Variants in ACO2 observed in about 807,000 individuals in gnomAD.
ACO2 encodes aconitase 2.
In ACO2, 31 loss-of-function variants were observed where a neutral mutation model predicts 84.5. The ratio of observed to expected loss-of-function variants is 0.37; its 90% CI spans 0.28 to 0.50. ACO2 has a LOEUF of 0.50. ACO2 is among the 20% of genes least tolerant of loss of function. ACO2 has a pLI of 0.97. For missense variants in ACO2, 685 were observed against 1,029.3 expected (o/e 0.67, Z 4.58); for synonymous variants, 414 against 412.7 (o/e 1.00, Z -0.04).
At chr22:41,492,371 T>C (rs1226672716) in intron 1 of ACO2, among the ~76,000 whole-genome samples, 2 of 152,232 alleles carry the variant, frequency 1.3e-5, no homozygotes, top group African/African-American at 4.8e-5. Context: ...GCGTAGTGGC[T>C]CATGCCTGTA....
intron 1 of ACO2, among the ~76,000 whole-genome samples, chr22:41,494,778 G>A (rs2066301245): frequency 6.6e-6 from 1 of 151,572 alleles, no homozygotes. Context: ...CTGTCACCCA[G>A]GCTGGAGTGC....
At chr22:41,524,700 C>T in intron 12 of ACO2, 146 bp from the exon 13 acceptor site, 1 of 1,302,934 alleles carries the variant, frequency 7.7e-7, no homozygotes, top group South Asian at 1.4e-5. Context: ...CGTCCTGCAG[C>T]TCTGGCCTCT....
chr22:41,485,590 A>G (rs12170066), intron 1 of ACO2, among the ~76,000 whole-genome samples: 9,371 of 151,528 alleles, frequency 0.062, 926 homozygotes, highest in African/African-American at 0.21. Context: ...ACAGGCGCCC[A>G]CCACCACGCC....
At chr22:41,476,918 G>T (rs975937174) in intron 1 of ACO2, among the ~76,000 whole-genome samples, 6 of 151,640 alleles carry the variant, frequency 4.0e-5, no homozygotes, top group Non-Finnish European at 7.4e-5. Context: ...GGAGGCCGAG[G>T]TGGGTGGATC....
chr22:41,477,836 A>G (rs1042551170), intron 1 of ACO2, among the ~76,000 whole-genome samples: 7 of 151,868 alleles, frequency 4.6e-5, no homozygotes, highest in South Asian at 2.1e-4. Context: ...GGAGGCCGAG[A>G]TGGGTGGATC....
At chr22:41,477,329 A>G (rs976299242) in intron 1 of ACO2, among the ~76,000 whole-genome samples, 5 of 140,154 alleles carry the variant, frequency 3.6e-5, no homozygotes, top group South Asian at 4.6e-4. Context: ...AATTTTTTGT[A>G]TTTTTTTTTT....
chr22:41,476,408 A>T (rs926061611), intron 1 of ACO2, among the ~76,000 whole-genome samples: 9 of 115,412 alleles, frequency 7.8e-5, no homozygotes, highest in African/African-American at 1.8e-4. Flanking sequence ...ACTCTGTCTT[A>T]AAAAAAAAAA....
At chr22:41,503,772 A>G (rs774278678) in intron 2 of ACO2, among the ~76,000 whole-genome samples, 4 of 152,174 alleles carry the variant, frequency 2.6e-5, no homozygotes, top group African/African-American at 4.8e-5. Context: ...CTGTTACCCA[A>G]TGGGTAACCA....
At chr22:41,513,060 C>G (rs571798466) in intron 4 of ACO2, among the ~76,000 whole-genome samples, 13 of 152,312 alleles carry the variant, frequency 8.5e-5, no homozygotes, top group African/African-American at 2.9e-4. Flanking sequence ...CTGCCCTGCC[C>G]AACCATCACT....
chr22:41,483,411 C>T (rs2038112701), intron 1 of ACO2, among the ~76,000 whole-genome samples: 1 of 152,124 alleles, frequency 6.6e-6, no homozygotes, highest in Non-Finnish European at 1.5e-5. Flanking sequence ...AATCCCAGCA[C>T]TTTGGGAGGC....
Position 41,507,902 on chromosome 22 carries a change from T to TA in ACO2, c.285_286insA (p.Val96SerfsTer32). The TA allele has an allele frequency of 6.2e-7, 1 of 1,614,220 alleles. No homozygotes were observed. Among genetic ancestry groups the TA allele is most frequent in the Non-Finnish European group, 8.5e-7 (1 of 1,180,048 alleles). On this transcript the variant is annotated frameshift_variant, in exon 3 of 18. Transcript: ENST00000216254. LOFTEE classifies it high-confidence loss of function. ...CGTACCTGCGGCTGCGGCCGGACCGTGTGGCCATGCAGGATGCGACGGCCC... is the reference window on the plus strand; with the variant it reads ...CGTACCTGCGGCTGCGGCCGGACCGTAGTGGCCATGCAGGATGCGACGGCCC...
intron 11 of ACO2, 111 bp downstream of exon 11, chr22:41,523,389 T>G: frequency 1.2e-6 from 1 of 816,810 alleles, no homozygotes; most frequent in Non-Finnish European, 1.9e-6. Context: ...CCAAGGTCTC[T>G]AGCTCCAGGG....
Position 41,508,052 on chromosome 22 carries a change from G to T in ACO2, c.432+3G>T. 1 of 1,605,958 alleles carries T rather than the reference G, an allele frequency of 6.2e-7. No homozygotes were observed. Among genetic ancestry groups the T allele is most frequent in the Non-Finnish European group, 8.5e-7 (1 of 1,173,432 alleles). The stretch of plus-strand genomic sequence containing the variant: ...AGAAAGACCTGCGCCGGGCCAAGGT[G>T]AGCAGAAGGTGGCTTTGGGGGTGGG... On this transcript the variant is annotated splice_donor_region_variant and intron_variant, in intron 3 of 17. Transcript: ENST00000216254.
intron 8 of ACO2, among the ~76,000 whole-genome samples, chr22:41,519,218 C>T (rs932293269): frequency 3.3e-5 from 5 of 152,224 alleles, no homozygotes; most frequent in Non-Finnish European, 7.3e-5. Flanking sequence ...CTGAGACGCA[C>T]AGATCAGAGC....
At chr22:41,491,178 C>A (rs2066269027) in intron 1 of ACO2, among the ~76,000 whole-genome samples, 1 of 151,902 alleles carries the variant, frequency 6.6e-6, no homozygotes, top group South Asian at 2.1e-4. Flanking sequence ...AAAACTGCAT[C>A]TGTAAAGACC....
intron 1 of ACO2, among the ~76,000 whole-genome samples, chr22:41,484,058 T>C (rs1307737081): frequency 6.6e-6 from 1 of 152,274 alleles, no homozygotes; most frequent in Non-Finnish European, 1.5e-5. Context: ...ACACCAAGTG[T>C]TGAAGTTTGT....
chr22:41,469,976 A>G lies in ACO2; in HGVS notation c.36+794A>G, dbSNP rs191908629. Among the ~76,000 whole-genome samples, 5 of 152,294 alleles carry G rather than the reference A, an allele frequency of 3.3e-5. No homozygotes were observed. The East Asian group carries it at 9.6e-4, about 29-fold the overall frequency. On this transcript the variant is annotated intron_variant, in intron 1 of 17. Coordinates refer to ENST00000216254, the MANE Select transcript of ACO2 (RefSeq NM_001098.3). ...CAGCCTGCCCTCACAGAACTTTATG[A>G]ACCACGGTGCAATTATTTCTGTTTG...
chr22:41,527,991 T>C lies in ACO2; in HGVS notation c.2177T>C (p.Ile726Thr). ...ATTCACCCTGTGGACAAGCTGACCA[T>C]TCAGGGCCTGAAGGACTTCACCCCT... ...NKIHPVDKLT[I>T]QGLKDFTPGK... is the part of the protein sequence containing the mutation. The change falls in exon 17 of 18, where the codon ATT (isoleucine) becomes ACT (threonine). Residue 726 changes from isoleucine to threonine, a missense_variant. Physicochemically the swap from Ile to Thr is moderately conservative, Grantham distance 89. This residue lies in a region of ACO2 where 174 missense variants were observed against 236.6 expected (regional missense o/e 0.74). Coordinates refer to ENST00000216254, the MANE Select transcript of ACO2 (RefSeq NM_001098.3). 1.2e-6 allele frequency: 2 copies of C among 1,614,078 alleles called. No individual in the cohort carries two copies. The highest frequency in any genetic ancestry group is 1.7e-6 in the Non-Finnish European group (2 of 1,179,988).
intron 16 of ACO2, 149 bp from the exon 17 acceptor site, chr22:41,527,752 G>A: frequency 7.5e-7 from 1 of 1,328,208 alleles, no homozygotes; most frequent in Non-Finnish European, 1.0e-6. Flanking sequence ...CCTAGTGAAA[G>A]GGAGCAGACC....
Sources: allele counts gnomAD v4.1 joint callset (sites outside exome capture counted in the v4.1 genomes callset), GRCh38; gene constraint gnomAD v4.1.1; regional missense constraint gnomAD v4.1.1; transcripts MANE v1.5; gene names NCBI Gene and HGNC (gene_info 2026-07-23, HGNC 2026-07-21).